The following GLIS1 variants were observed in gnomAD, a reference collection of about 807,000 sequenced individuals.
GLIS1 encodes zinc finger protein GLIS1.
A neutral mutation model predicts 63.8 loss-of-function variants in GLIS1; 24 were observed. That is an observed-to-expected ratio of 0.38 (90% CI 0.27 to 0.53). GLIS1 has a LOEUF of 0.53. GLIS1 is among the 20% of genes least tolerant of loss of function. The pLI is 0.85. For synonymous variants in GLIS1, 450 were observed against 482.5 expected (o/e 0.93, Z 0.88); for missense variants, 1,036 against 1,074.1 (o/e 0.96, Z 0.50).
intron 2 of GLIS1, among the ~76,000 whole-genome samples, chr1:53,654,824 GGA>G (rs1569994118): frequency 6.6e-6 from 1 of 152,114 alleles, no homozygotes; most frequent in Non-Finnish European, 1.5e-5. Context: ...CGAGAAAAAT[GGA>G]GAGAGAGAAA....
At position 53,597,176 on chromosome 1, in the gene GLIS1, TAAAAAAAAAAAAAAA is replaced by T. The variant is rs57607550; in HGVS notation, c.438-2201_438-2187del. On this transcript the variant is annotated intron_variant, in intron 3 of 10. Coordinates refer to ENST00000628545, the MANE Select transcript of GLIS1 (RefSeq NM_001367484.1). ...TGGCCTGGTGAAACCCTGTCTCTAC[TAAAAAAAAAAAAAAA>T]AAAAAAAAAAAAAAAAAAAACACTA... 8.3e-4 allele frequency among the ~76,000 whole-genome samples: 16 copies of T among 19,326 alleles called. No homozygotes were observed. The East Asian group carries it at 0.014, about 16-fold the overall frequency. The allele number at this position is 19,326 out of a possible 152,430, so 12.7% of individuals were successfully genotyped here.
At chr1:53,599,297 T>G (rs1645291327) in intron 3 of GLIS1, among the ~76,000 whole-genome samples, 1 of 152,224 alleles carries the variant, frequency 6.6e-6, no homozygotes, top group South Asian at 2.1e-4. Flanking sequence ...GCCTCATGTA[T>G]GGATGAATCC....
intron 4 of GLIS1, among the ~76,000 whole-genome samples, chr1:53,589,352 C>A (rs577971664): frequency 6.6e-6 from 1 of 152,294 alleles, no homozygotes; most frequent in Admixed American, 6.5e-5. Context: ...GGAGCAACTC[C>A]CTTTAGCTCC....
chr1:53,723,039 G>A (rs1278988130), intron 2 of GLIS1, among the ~76,000 whole-genome samples: 8 of 151,566 alleles, frequency 5.3e-5, no homozygotes, highest in African/African-American at 1.7e-4. Flanking sequence ...AGGCTGAGGC[G>A]GGAGAATAAC....
chr1:53,727,991 C>T (rs1479743459), intron 2 of GLIS1, among the ~76,000 whole-genome samples: 1 of 152,248 alleles, frequency 6.6e-6, no homozygotes, highest in Non-Finnish European at 1.5e-5. Flanking sequence ...AACACAGCTC[C>T]TCCTTTACAG....
At chr1:53,549,027 A>G (rs559659701) in intron 4 of GLIS1, among the ~76,000 whole-genome samples, 4 of 152,342 alleles carry the variant, frequency 2.6e-5, no homozygotes, top group South Asian at 4.1e-4. Flanking sequence ...CGTAAGTTGA[A>G]TCATGCAATC....
chr1:53,671,646 A>C (rs1334134486), intron 2 of GLIS1, among the ~76,000 whole-genome samples: 1 of 152,258 alleles, frequency 6.6e-6, no homozygotes, highest in Non-Finnish European at 1.5e-5. Context: ...GACAGACTGG[A>C]AGCCCTCCAT....
chr1:53,681,914 C>T (rs565744579), intron 2 of GLIS1, among the ~76,000 whole-genome samples: 3 of 152,182 alleles, frequency 2.0e-5, no homozygotes, highest in African/African-American at 7.2e-5. Context: ...CTCTCGGGGG[C>T]CTTCTTTGAC....
intron 4 of GLIS1, 25 bp downstream of exon 4, chr1:53,594,083 G>A (rs770827651): frequency 3.2e-6 from 5 of 1,582,100 alleles, no homozygotes; most frequent in Non-Finnish European, 8.6e-7. Context: ...GCTGGGGTGA[G>A]GCCTGGCGGC....
At chr1:53,534,369 C>G (rs2100346536) in intron 4 of GLIS1, among the ~76,000 whole-genome samples, 1 of 152,144 alleles carries the variant, frequency 6.6e-6, no homozygotes, top group South Asian at 2.1e-4. Flanking sequence ...TTCCTGACAT[C>G]CCGGTCGCCT....
intron 2 of GLIS1, among the ~76,000 whole-genome samples, chr1:53,691,241 C>T (rs1646401892): frequency 6.6e-6 from 1 of 152,174 alleles, no homozygotes; most frequent in African/African-American, 2.4e-5. Flanking sequence ...CGCTGTGTCC[C>T]TCCAGCTGTA....
chr1:53,684,921 CAG>C (rs138868759), intron 2 of GLIS1, among the ~76,000 whole-genome samples: 3,715 of 152,266 alleles, frequency 0.024, 147 homozygotes, highest in African/African-American at 0.084. Flanking sequence ...GAGCTGGAAA[CAG>C]AGGACACAGA....
At chr1:53,692,778 G>A (rs1384675856) in intron 2 of GLIS1, among the ~76,000 whole-genome samples, 2 of 152,228 alleles carry the variant, frequency 1.3e-5, no homozygotes, top group East Asian at 3.9e-4. Context: ...GCTCGGGCCT[G>A]CTTTCTCCCC....
intron 4 of GLIS1, among the ~76,000 whole-genome samples, chr1:53,570,283 TA>T (rs112167168): frequency 0.29 from 42,732 of 145,942 alleles, 7,346 homozygotes; most frequent in African/African-American, 0.5. Context: ...TTGGCTAATT[TA>T]AAAAAAAAAA....
At chr1:53,702,872 T>C (rs11206200) in intron 2 of GLIS1, among the ~76,000 whole-genome samples, 37,424 of 152,156 alleles carry the variant, frequency 0.25, 4,892 homozygotes, top group African/African-American at 0.33. Context: ...CACAGGGCTG[T>C]GGGAGCATGG....
At chr1:53,652,216 A>T (rs1463135908) in intron 2 of GLIS1, among the ~76,000 whole-genome samples, 1 of 152,216 alleles carries the variant, frequency 6.6e-6, no homozygotes, top group Non-Finnish European at 1.5e-5. Flanking sequence ...CACACAGCAG[A>T]TGATCATCAA....
rs1357254256 is a variant in GLIS1 at position 53,539,172 on chromosome 1, T to C, written c.1321-9220A>G. On this transcript the variant is annotated intron_variant, in intron 4 of 10. Transcript: ENST00000628545. This position sits in a 1 kb window ranked among gnomAD's most constrained non-coding sequence, Gnocchi z 5.0. ...ACGTGGACACTCACACACTCTGATGTGAACACCTCTCCCTCCAACCAAGCC... is the reference window on the plus strand; with the variant it reads ...ACGTGGACACTCACACACTCTGATGCGAACACCTCTCCCTCCAACCAAGCC... 6.6e-6 allele frequency among the ~76,000 whole-genome samples: 1 copy of C among 151,750 alleles called. No individual in the cohort carries two copies. Among genetic ancestry groups the C allele is most frequent in the Non-Finnish European group, 1.5e-5 (1 of 67,908 alleles).
intron 4 of GLIS1, among the ~76,000 whole-genome samples, chr1:53,561,036 A>T (rs1256175876): frequency 6.6e-6 from 1 of 152,068 alleles, no homozygotes; most frequent in Non-Finnish European, 1.5e-5. Context: ...CCGAGCCCCT[A>T]CTGTGTGCCA....
intron 2 of GLIS1, among the ~76,000 whole-genome samples, chr1:53,689,937 G>A (rs1437669787): frequency 3.9e-5 from 6 of 152,180 alleles, no homozygotes; most frequent in African/African-American, 7.2e-5. Context: ...TGGGCTACAC[G>A]TAGTGAGCGG....
Sources: gnomAD v4.1 joint callset for allele counts (sites outside exome capture counted in the v4.1 genomes callset) on GRCh38, gnomAD v4.1.1 for gene constraint, Gnocchi (gnomAD v3.1) non-coding constraint, MANE v1.5 for transcripts, NCBI Gene and HGNC (gene_info 2026-07-23, HGNC 2026-07-21) for gene names.